BCL2L15: variants seen among roughly 807,000 people sequenced by gnomAD.
BCL2L15 encodes bcl-2-like protein 15.
BCL2L15 carries 15 observed loss-of-function variants against 18.3 expected under a neutral mutation model. The ratio of observed to expected loss-of-function variants is 0.82; its 90% confidence interval spans 0.55 to 1.26. BCL2L15 has a LOEUF of 1.26. BCL2L15 is among the 50% of genes most tolerant of loss of function. The pLI, the probability that BCL2L15 is intolerant of heterozygous loss-of-function variation, is 0.00. For synonymous variants in BCL2L15, 58 were observed against 68.5 expected (o/e 0.85, Z 0.76); for missense variants, 180 against 201.7 (o/e 0.89, Z 0.65).
intron 2 of BCL2L15, among the ~76,000 whole-genome samples, chr1:113,883,273 G>A (rs1247176713): frequency 1.3e-5 from 2 of 152,076 alleles, no homozygotes; most frequent in Admixed American, 6.6e-5. Context: ...ACGAGGTCAG[G>A]AGTTCAAGAC....
rs969667914 is a variant in BCL2L15 at position 113,882,050 on chromosome 1, G to A, written c.250-53C>T. 1.6e-5 allele frequency: 24 copies of A among 1,455,044 alleles called. No homozygotes were observed. In the East Asian group the frequency reaches 3.0e-4, roughly 18 times the overall value. 90.1% of individuals were successfully genotyped at this position (1,455,044 alleles called of 1,614,324 possible). Reference sequence around the variant, plus strand: ...AGAGTATCACTCAAAAAGTGCAGGAGGCTGCAGGTGCAGGAATCCAGTAAA... The same window carrying A: ...AGAGTATCACTCAAAAAGTGCAGGAAGCTGCAGGTGCAGGAATCCAGTAAA... On this transcript the variant is annotated intron_variant, in intron 2 of 3. Coordinates refer to ENST00000393316, the MANE Select transcript of BCL2L15 (RefSeq NM_001010922.3).
intron 1 of BCL2L15, among the ~76,000 whole-genome samples, chr1:113,886,934 G>C (rs1359182718): frequency 6.7e-6 from 1 of 149,312 alleles, no homozygotes. Context: ...CCGAGTCTCT[G>C]TCGCCCAGAC....
chr1:113,886,522 A>G lies in BCL2L15; in HGVS notation c.249+15T>C. On this transcript the variant is annotated intron_variant, in intron 2 of 3. Transcript: ENST00000393316. ...AAAAAAAGCAGCAAACAATAGCATGAAGTAGAAACTTGACCTGTCCCTTAA... is the reference window on the plus strand; with the variant it reads ...AAAAAAAGCAGCAAACAATAGCATGGAGTAGAAACTTGACCTGTCCCTTAA... 1 of 1,597,274 alleles carries G rather than the reference A, an allele frequency of 6.3e-7. No individual in the cohort carries two copies. Among genetic ancestry groups the G allele is most frequent in the Non-Finnish European group, 8.5e-7 (1 of 1,175,798 alleles).
intron 1 of BCL2L15, 73 bp from the exon 2 acceptor site, chr1:113,886,731 A>C (rs1571515729): frequency 6.9e-7 from 1 of 1,450,740 alleles, no homozygotes; most frequent in East Asian, 2.3e-5. Context: ...GCAATGAGAA[A>C]AATTTGTCTT....
At chr1:113,881,209 A>G in intron 3 of BCL2L15, 69 bp from the exon 4 acceptor site, 1 of 1,609,576 alleles carries the variant, frequency 6.2e-7, no homozygotes, top group Non-Finnish European at 8.5e-7. Context: ...AAACCAGGAA[A>G]TGATCTGCAG....
Position 113,879,534 on chromosome 1 carries a change from A to C in BCL2L15, c.*1589T>G, listed in dbSNP as rs1314367005. The C allele has an allele frequency of 2.6e-5, 4 of 152,476 alleles. No individual in the cohort carries two copies. The highest frequency in any genetic ancestry group is 4.1e-4 in the South Asian group (2 of 4,828). The allele number at this position is 152,476 out of a possible 1,614,324, so 9.4% of individuals were successfully genotyped here. A position where few individuals can be genotyped will look rare whatever the true frequency, so the allele number is the denominator to read the frequency against. The stretch of plus-strand genomic sequence containing the variant: ...GGCTGAAGACCCAGAGAAACTGTGG[A>C]TTATGCAAGAACTAACAAACATATG... On this transcript the variant is annotated 3_prime_UTR_variant, in exon 4 of 4. Coordinates refer to ENST00000393316, the MANE Select transcript of BCL2L15 (RefSeq NM_001010922.3).
chr1:113,879,511 C>T lies in BCL2L15; in HGVS notation c.*1612G>A, dbSNP rs1014769211. ...AGGAGCTACAGAGCTCTCTGATTGG[C>T]TGAAGACCCAGAGAAACTGTGGATT... On this transcript the variant is annotated 3_prime_UTR_variant, in exon 4 of 4. Transcript: ENST00000393316. 9.8e-5 allele frequency: 15 copies of T among 152,470 alleles called. No homozygotes were observed. The highest frequency in any genetic ancestry group is 5.9e-4 in the Admixed American group (9 of 15,298). The allele number at this position is 152,470 out of a possible 1,614,324, so 9.4% of individuals were successfully genotyped here. A position where few individuals can be genotyped will look rare whatever the true frequency, so the allele number is the denominator to read the frequency against.
At chr1:113,883,748 C>T (rs1475196043) in intron 2 of BCL2L15, among the ~76,000 whole-genome samples, 1 of 152,146 alleles carries the variant, frequency 6.6e-6, no homozygotes, top group Non-Finnish European at 1.5e-5. Context: ...CGTGCCACTG[C>T]ACTCCAGCCT....
Position 113,877,125 on chromosome 1 carries a change from G to T in BCL2L15, c.*3998C>A, listed in dbSNP as rs1666748082. ...GGTCTTGAAGATGTCTACAGGTAGA[G>T]CCTCAGAAAAAGGAATATGAAACAT... On this transcript the variant is annotated 3_prime_UTR_variant, in exon 4 of 4. Transcript: ENST00000393316. Among the ~76,000 whole-genome samples, 1 of 152,094 alleles carries T rather than the reference G, an allele frequency of 6.6e-6. No individual in the cohort carries two copies. Among genetic ancestry groups the T allele is most frequent in the South Asian group, 2.1e-4 (1 of 4,832 alleles).
intron 2 of BCL2L15, among the ~76,000 whole-genome samples, chr1:113,884,212 A>G (rs1465277367): frequency 6.6e-6 from 1 of 152,218 alleles, no homozygotes; most frequent in Non-Finnish European, 1.5e-5. Context: ...TATAAAATGA[A>G]ATCTTGTGCC....
intron 2 of BCL2L15, among the ~76,000 whole-genome samples, chr1:113,883,810 T>TCTC: frequency 6.6e-6 from 1 of 152,084 alleles, no homozygotes; most frequent in East Asian, 1.9e-4. Flanking sequence ...CAGAGCTCTC[T>TCTC]GGAGAATGGT....
At chr1:113,883,829 G>A (rs141683481) in intron 2 of BCL2L15, among the ~76,000 whole-genome samples, 1 of 152,204 alleles carries the variant, frequency 6.6e-6, no homozygotes, top group East Asian at 1.9e-4. Context: ...GTTGATTTCA[G>A]TTTGGGGCTA....
chr1:113,877,320 AG>A lies in BCL2L15; in HGVS notation c.*3802del, dbSNP rs1666752751. ...TTGATGAACAGTAGGGAGCAGCTGA[AG>A]GTTTTTTTTTTTTTTTTAAAAAAAA... On this transcript the variant is annotated 3_prime_UTR_variant, in exon 4 of 4. Coordinates refer to ENST00000393316, the MANE Select transcript of BCL2L15 (RefSeq NM_001010922.3). Among the ~76,000 whole-genome samples the A allele has an allele frequency of 7.0e-6, 1 of 142,440 alleles. No individual in the cohort carries two copies. Among genetic ancestry groups the A allele is most frequent in the African/African-American group, 2.5e-5 (1 of 40,146 alleles). 93.4% of individuals were successfully genotyped at this position (142,440 alleles called of 152,430 possible). A position where few individuals can be genotyped will look rare whatever the true frequency, so the allele number is the denominator to read the frequency against.
intron 2 of BCL2L15, among the ~76,000 whole-genome samples, chr1:113,884,570 G>C (rs754127455): frequency 2.0e-5 from 3 of 152,198 alleles, no homozygotes; most frequent in Non-Finnish European, 4.4e-5. Context: ...TTGATGGTTA[G>C]ATTGTGGTTA....
chr1:113,881,027 A>G lies in BCL2L15; in HGVS notation c.*96T>C. The G allele has an allele frequency of 6.4e-7, 1 of 1,565,050 alleles. No individual in the cohort carries two copies. ...AGTTCAGTTCTGATAAAATGAAAAAAGTGCTTTTTTATTTGTTTGTTTGAA... is the reference window on the plus strand; with the variant it reads ...AGTTCAGTTCTGATAAAATGAAAAAGGTGCTTTTTTATTTGTTTGTTTGAA... On this transcript the variant is annotated 3_prime_UTR_variant, in exon 4 of 4. Coordinates refer to ENST00000393316, the MANE Select transcript of BCL2L15 (RefSeq NM_001010922.3).
At chr1:113,885,946 G>T (rs921242745) in intron 2 of BCL2L15, among the ~76,000 whole-genome samples, 2 of 150,988 alleles carry the variant, frequency 1.3e-5, no homozygotes, top group African/African-American at 4.9e-5. Context: ...GGTAGCTCAC[G>T]CCTATAATCC....
chr1:113,885,397 A>G (rs555550736), intron 2 of BCL2L15, among the ~76,000 whole-genome samples: 2 of 152,276 alleles, frequency 1.3e-5, no homozygotes, highest in Admixed American at 1.3e-4. Context: ...TGTGTATAGT[A>G]GGACGAATAA....
In BCL2L15 at chr1:113,887,322, T is replaced by C. The variant is rs1667068318; in HGVS notation, c.54A>G (p.Leu18=). 2 of 1,614,066 alleles carry C rather than the reference T, an allele frequency of 1.2e-6. No individual in the cohort carries two copies. The highest frequency in any genetic ancestry group is 1.7e-6 in the Non-Finnish European group (2 of 1,179,988). The stretch of plus-strand genomic sequence containing the variant: ...ATGTTGGGCTCAAGAAGTCCATGAG[T>C]AGAGTGTTCACAATGCATTCCGTTT... ...EEQTECIVNT[L]LMDFLSPTLQ... The change falls in exon 1 of 4, where the codon CTA becomes CTG. Residue 18 remains leucine, a synonymous_variant. Coordinates refer to ENST00000393316, the MANE Select transcript of BCL2L15 (RefSeq NM_001010922.3).
At chr1:113,885,342 C>A (rs1666993898) in intron 2 of BCL2L15, among the ~76,000 whole-genome samples, 1 of 152,152 alleles carries the variant, frequency 6.6e-6, no homozygotes, top group African/African-American at 2.4e-5. Context: ...CTGGGAGTAA[C>A]AGGTCCAGCT....
Sources: allele counts gnomAD v4.1 joint callset (sites outside exome capture counted in the v4.1 genomes callset), GRCh38; gene constraint gnomAD v4.1.1; transcripts MANE v1.5; gene names NCBI Gene and HGNC (gene_info 2026-07-23, HGNC 2026-07-21).